OSBPL11: variants seen among roughly 807,000 people sequenced by gnomAD.
OSBPL11 encodes the protein oxysterol binding protein like 11.
Under a neutral mutation model 84.4 loss-of-function variants are expected in OSBPL11, and 33 were observed. The ratio of observed to expected loss-of-function variants is 0.39; its 90% confidence interval spans 0.30 to 0.52. The LOEUF is 0.52. Ranked by LOEUF, OSBPL11 falls within the 20% of genes least tolerant of loss-of-function variation. OSBPL11 has a pLI of 0.72. For synonymous variants in OSBPL11, 276 were observed against 310.2 expected, an observed-to-expected ratio of 0.89 and a Z score of 1.16; for missense variants, 736 against 901.1, an observed-to-expected ratio of 0.82 and a Z score of 2.35.
rs764566818 is a variant in OSBPL11 at position 125,552,592 on chromosome 3, T to C, written c.1243A>G (p.Ile415Val). The C allele has an allele frequency of 3.1e-6, 5 of 1,614,206 alleles. No individual in the cohort carries two copies. The highest frequency in any genetic ancestry group is 1.6e-4 in the Middle Eastern group (1 of 6,062). The change falls in exon 9 of 13, where the codon ATC becomes GTC. Residue 415 changes from isoleucine (I) to valine (V), a missense_variant. Physicochemically the swap from Ile to Val is conservative, Grantham distance 29. Coordinates refer to ENST00000296220, the MANE Select transcript of OSBPL11 (RefSeq NM_022776.5). Reference protein sequence around the residue: ...FMSHPDLFIAITNGATAEDRM... With the variant: ...FMSHPDLFIAVTNGATAEDRM... ...TCCTCAGCTGTGGCTCCATTAGTGA[T>C]GGCTATAAATAGGTCTGGATGAGAC...
chr3:125,553,323 A>G (rs1935941619), intron 8 of OSBPL11, among the ~76,000 whole-genome samples: 1 of 152,220 alleles, frequency 6.6e-6, no homozygotes, highest in Admixed American at 6.5e-5. Flanking sequence ...TAGATGAATG[A>G]CCAAGACATG....
chr3:125,588,467 C>A (rs1482027048), intron 1 of OSBPL11, among the ~76,000 whole-genome samples: 4 of 152,114 alleles, frequency 2.6e-5, no homozygotes, highest in South Asian at 2.1e-4. Context: ...TAATCTCTCT[C>A]TATATATATC....
chr3:125,532,093 A>T, intron 11 of OSBPL11, 79 bp from the exon 12 acceptor site: 1 of 1,374,632 alleles, frequency 7.3e-7, no homozygotes, highest in Non-Finnish European at 9.8e-7. Context: ...TCAAAATTAC[A>T]ATAATTTTAT....
intron 8 of OSBPL11, among the ~76,000 whole-genome samples, chr3:125,553,056 G>A (rs540206446): frequency 5.9e-5 from 9 of 152,178 alleles, no homozygotes; most frequent in Non-Finnish European, 1.2e-4. Context: ...AGGCTACAAT[G>A]AGCCATGACT....
intron 1 of OSBPL11, among the ~76,000 whole-genome samples, chr3:125,586,375 T>C (rs1936510775): frequency 1.3e-5 from 2 of 152,232 alleles, no homozygotes; most frequent in South Asian, 4.1e-4. Flanking sequence ...TAGTGGAAGC[T>C]GATAGTCTAT....
At chr3:125,545,285 T>C (rs1217972098) in intron 10 of OSBPL11, among the ~76,000 whole-genome samples, 1 of 152,252 alleles carries the variant, frequency 6.6e-6, no homozygotes, top group Non-Finnish European at 1.5e-5. Flanking sequence ...AGTGATATGC[T>C]TCCTTCGTCA....
chr3:125,532,259 T>C (rs894926691), intron 11 of OSBPL11, among the ~76,000 whole-genome samples: 4 of 152,202 alleles, frequency 2.6e-5, no homozygotes, highest in Admixed American at 2.0e-4. Context: ...AAAAGCAGGA[T>C]TTTTTGTTTT....
At chr3:125,576,455 T>C (rs1322417622) in intron 4 of OSBPL11, 90 bp from the exon 5 acceptor site, 4 of 956,304 alleles carry the variant, frequency 4.2e-6, no homozygotes, top group Non-Finnish European at 5.8e-6. Flanking sequence ...GATTTACACA[T>C]GAGCAGCGTT....
chr3:125,567,394 C>T lies in OSBPL11; in HGVS notation c.868G>A (p.Gly290Arg). The T allele has an allele frequency of 6.2e-7, 1 of 1,611,244 alleles. No homozygotes were observed. Among genetic ancestry groups the T allele is most frequent in the Non-Finnish European group, 8.5e-7 (1 of 1,177,508 alleles). ...GCCCTACCTTTAATCGACAACTTAC[C>T]TGAAGGCAATGAGCCCTTCTGATGT... ...ASHQKGSLPS[G>R]TTIEWLEPKI... is the part of the protein sequence containing the mutation. Residue 290 changes from glycine (G) to arginine (R), a missense_variant and splice_region_variant, in exon 6 of 13, where the codon GGA becomes AGA. Around this residue, in one of 3 missense-constraint regions of OSBPL11, gnomAD observed 579 missense variants for 717.6 expected, o/e 0.81. Transcript: ENST00000296220.
intron 9 of OSBPL11, among the ~76,000 whole-genome samples, chr3:125,550,423 A>G (rs58975003): frequency 7.2e-6 from 1 of 138,016 alleles, no homozygotes; most frequent in Admixed American, 7.5e-5. Context: ...CAAAAAAAAA[A>G]AAAGAGAGTA....
Position 125,534,951 on chromosome 3 carries a change from G to GAAAAAAAAAAAAA in OSBPL11, c.2025-2950_2025-2938dup, listed in dbSNP as rs56164804. Among the ~76,000 whole-genome samples the GAAAAAAAAAAAAA allele has an allele frequency of 1.4e-4, 9 of 64,652 alleles. 1 individual carries two copies. The highest frequency in any genetic ancestry group is 3.7e-4 in the Admixed American group (2 of 5,394). The allele number at this position is 64,652 out of a possible 152,430, so 42.4% of individuals were successfully genotyped here. ...CCTAAGCTTCCATTGTAAGAAATTA[G>GAAAAAAAAAAAAA]AAAAAAAAAAAAAAAAAAAAAAAAA... On this transcript the variant is annotated intron_variant, in intron 11 of 12. Coordinates refer to ENST00000296220, the MANE Select transcript of OSBPL11 (RefSeq NM_022776.5).
chr3:125,591,883 GTCCCAGCTAT>G (rs1485655998), intron 1 of OSBPL11, among the ~76,000 whole-genome samples: 1 of 152,060 alleles, frequency 6.6e-6, no homozygotes. Context: ...TACACCTGTA[GTCCCAGCTAT>G]TCCAGAAGCT....
intron 7 of OSBPL11, among the ~76,000 whole-genome samples, chr3:125,561,462 T>C (rs1374239447): frequency 6.6e-6 from 1 of 152,376 alleles, no homozygotes; most frequent in East Asian, 1.9e-4. Flanking sequence ...GTCAAAAACT[T>C]GGGACTTGAC....
chr3:125,585,199 C>G (rs545680399), intron 1 of OSBPL11, among the ~76,000 whole-genome samples: 4 of 152,268 alleles, frequency 2.6e-5, no homozygotes, highest in African/African-American at 9.6e-5. Context: ...GGTGTGATCT[C>G]AGCTCACTGC....
At position 125,538,472 on chromosome 3, in the gene OSBPL11, T is replaced by G; in HGVS notation, c.2003A>C (p.Lys668Thr). 6.2e-7 allele frequency: 1 copy of G among 1,613,904 alleles called. No individual in the cohort carries two copies. The highest frequency in any genetic ancestry group is 8.5e-7 in the Non-Finnish European group (1 of 1,179,852). ...ATACCTGGATTCAAATGGATCCTGC[T>G]TCTCCAGAGGTCTCACTCTTTTCTT... Reference protein sequence around the residue: ...VTKKRVRPLEKQDPFESRRLW... With the variant: ...VTKKRVRPLETQDPFESRRLW... Residue 668 changes from lysine (K) to threonine (T), a missense_variant, in exon 11 of 13, where the codon AAG (lysine) becomes ACG (threonine). This residue lies in a region of OSBPL11 where 579 missense variants were observed against 717.6 expected (regional missense o/e 0.81). Coordinates refer to ENST00000296220, the MANE Select transcript of OSBPL11 (RefSeq NM_022776.5).
intron 9 of OSBPL11, 44 bp downstream of exon 9, chr3:125,552,137 G>T: frequency 2.1e-6 from 2 of 966,582 alleles, no homozygotes; most frequent in East Asian, 3.2e-5. Flanking sequence ...ATATATGTGT[G>T]TGTGTATATA....
At chr3:125,545,960 T>A (rs1935807149) in intron 10 of OSBPL11, among the ~76,000 whole-genome samples, 1 of 152,052 alleles carries the variant, frequency 6.6e-6, no homozygotes. Context: ...AAGACCTTAG[T>A]TACAATAATT....
chr3:125,580,152 T>C, intron 2 of OSBPL11, 112 bp from the exon 3 acceptor site: 1 of 881,522 alleles, frequency 1.1e-6, no homozygotes, highest in Non-Finnish European at 1.7e-6. Flanking sequence ...AAAAATAAAA[T>C]TTAAAAGCAT....
At chr3:125,576,143 G>A (rs745721255) in intron 5 of OSBPL11, 46 bp downstream of exon 5, 7 of 1,537,760 alleles carry the variant, frequency 4.6e-6, no homozygotes, top group South Asian at 1.2e-5. Flanking sequence ...AACCAAGCAG[G>A]TAAAATCATT....
Sources: gnomAD v4.1 joint callset for allele counts (sites outside exome capture counted in the v4.1 genomes callset) on GRCh38, gnomAD v4.1.1 for gene constraint, gnomAD v4.1.1 regional missense constraint, MANE v1.5 for transcripts, NCBI Gene and HGNC (gene_info 2026-07-23, HGNC 2026-07-21) for gene names.